Variants in WDR41 observed in about 807,000 individuals in gnomAD.
WDR41 encodes WD repeat-containing protein 41.
Under a neutral mutation model 69.3 loss-of-function variants are expected in WDR41, and 63 were observed. The observed-to-expected ratio is 0.91, with a 90% CI of 0.74 to 1.12. The LOEUF is 1.12. WDR41 is among the 50% of genes most tolerant of loss of function. WDR41 has a pLI of 0.00. For missense variants in WDR41, 543 were observed against 534.5 expected (o/e 1.02, Z -0.16); for synonymous variants, 185 against 192.1 (o/e 0.96, Z 0.31).
At chr5:77,544,891 C>G (rs145044705) in intron 1 of WDR41, among the ~76,000 whole-genome samples, 152 of 152,034 alleles carry the variant, frequency 1.0e-3, no homozygotes, top group African/African-American at 3.4e-3. Flanking sequence ...GCGCATGGAA[C>G]TTTCTCCAGG....
In WDR41 at chr5:77,533,664, A is replaced by T. The variant is rs191889268; in HGVS notation, c.43-44092T>A. On this transcript the variant is annotated intron_variant, in intron 1 of 5. Coordinates refer to the WDR41 transcript ENST00000509971. ...GGATGATGATGGTTGTGTGCTGTGA[A>T]CAGAATTATATAATTAATTCAATTC... 9.4e-4 allele frequency among the ~76,000 whole-genome samples: 143 copies of T among 152,294 alleles called. 2 individuals carry two copies. The highest frequency in any genetic ancestry group is 7.3e-3 in the Admixed American group (112 of 15,302).
chr5:77,592,009 T>C (rs994263112), intron 1 of WDR41, among the ~76,000 whole-genome samples: 3 of 152,146 alleles, frequency 2.0e-5, no homozygotes, highest in African/African-American at 7.2e-5. Flanking sequence ...TCTATTTATA[T>C]TTTTATATGT....
At chr5:77,590,797 A>G (rs879788620) in intron 1 of WDR41, among the ~76,000 whole-genome samples, 7 of 152,196 alleles carry the variant, frequency 4.6e-5, no homozygotes, top group Non-Finnish European at 7.3e-5. Context: ...TCACTACAGT[A>G]TTAATGAGAG....
At chr5:77,473,934 G>C (rs1301419336) in intron 2 of WDR41, among the ~76,000 whole-genome samples, 1 of 152,026 alleles carries the variant, frequency 6.6e-6, no homozygotes, top group Admixed American at 6.6e-5. Context: ...CCCATTACTG[G>C]GTATATACCC....
intron 1 of WDR41, among the ~76,000 whole-genome samples, chr5:77,573,054 C>T (rs752778508): frequency 2.0e-5 from 3 of 152,146 alleles, no homozygotes; most frequent in Non-Finnish European, 2.9e-5. Flanking sequence ...GTACATGATG[C>T]CACAGAGCCA....
intron 1 of WDR41, among the ~76,000 whole-genome samples, chr5:77,557,985 G>A (rs1380281943): frequency 6.6e-6 from 1 of 151,268 alleles, no homozygotes; most frequent in Non-Finnish European, 1.5e-5. Context: ...AAAAAATGTG[G>A]CAATGCAGTG....
intron 5 of WDR41, 91 bp downstream of exon 5, chr5:77,458,971 C>A: frequency 2.3e-6 from 2 of 883,670 alleles, no homozygotes; most frequent in South Asian, 3.4e-5. Context: ...TTCATAAGAC[C>A]CACAAAAGTA....
intron 5 of WDR41, among the ~76,000 whole-genome samples, chr5:77,458,413 C>T (rs1325344448): frequency 2.0e-5 from 3 of 152,122 alleles, no homozygotes; most frequent in African/African-American, 7.2e-5. Context: ...AATGAGGGAA[C>T]ATCTACTGCT....
intron 1 of WDR41, among the ~76,000 whole-genome samples, chr5:77,613,759 C>A (rs1035083692): frequency 2.4e-4 from 37 of 152,254 alleles, no homozygotes; most frequent in African/African-American, 8.7e-4. Context: ...TCCAAAACAC[C>A]AAAAGCAATG....
intron 8 of WDR41, among the ~76,000 whole-genome samples, chr5:77,443,885 T>C: frequency 1.0e-5 from 1 of 97,294 alleles, no homozygotes; most frequent in Non-Finnish European, 2.0e-5. Flanking sequence ...ACTTTTTTTT[T>C]TTTTTTTTTT....
At chr5:77,598,402 A>G (rs1435792003) in intron 1 of WDR41, among the ~76,000 whole-genome samples, 3 of 152,216 alleles carry the variant, frequency 2.0e-5, no homozygotes, top group Non-Finnish European at 4.4e-5. Context: ...CTTGTTGGGA[A>G]TCTGGGGGAA....
At chr5:77,591,364 T>C (rs1246642783) in intron 1 of WDR41, among the ~76,000 whole-genome samples, 1 of 152,134 alleles carries the variant, frequency 6.6e-6, no homozygotes, top group African/African-American at 2.4e-5. Flanking sequence ...TTTGGCTGTA[T>C]TTATTTTCTC....
chr5:77,501,133 G>A (rs928113893), intron 1 of WDR41, among the ~76,000 whole-genome samples: 2 of 152,242 alleles, frequency 1.3e-5, no homozygotes, highest in Non-Finnish European at 2.9e-5. Context: ...AAGGGAAGCC[G>A]TGACAGACTG....
At chr5:77,437,879 G>A (rs1799007926) in intron 10 of WDR41, among the ~76,000 whole-genome samples, 1 of 152,240 alleles carries the variant, frequency 6.6e-6, no homozygotes, top group East Asian at 1.9e-4. Flanking sequence ...ACAACAAGGA[G>A]ACCAGCAACC....
At chr5:77,549,849 A>G (rs1367376379) in intron 1 of WDR41, among the ~76,000 whole-genome samples, 4 of 152,210 alleles carry the variant, frequency 2.6e-5, no homozygotes, top group African/African-American at 7.2e-5. Context: ...AAATTATTCT[A>G]TAAGGCTACA....
chr5:77,570,362 G>T (rs1295495975), intron 1 of WDR41, among the ~76,000 whole-genome samples: 1 of 151,366 alleles, frequency 6.6e-6, no homozygotes, highest in Non-Finnish European at 1.5e-5. Flanking sequence ...ATAATTATAT[G>T]ACTAAAACAT....
At chr5:77,578,177 A>G (rs1743867372) in intron 1 of WDR41, among the ~76,000 whole-genome samples, 1 of 152,232 alleles carries the variant, frequency 6.6e-6, no homozygotes, top group Non-Finnish European at 1.5e-5. Context: ...AAGTCGAACC[A>G]TCACAATTTG....
chr5:77,618,526 C>A (rs905134694), intron 1 of WDR41, among the ~76,000 whole-genome samples: 3 of 152,164 alleles, frequency 2.0e-5, no homozygotes, highest in African/African-American at 7.2e-5. Context: ...GCGCACACCA[C>A]CATGCCTGGC....
intron 1 of WDR41, among the ~76,000 whole-genome samples, chr5:77,604,085 AG>A (rs1445196866): frequency 6.6e-6 from 1 of 152,070 alleles, no homozygotes; most frequent in Non-Finnish European, 1.5e-5. Context: ...TATGAATTTT[AG>A]GATTTTTTTT....
Sources: allele counts gnomAD v4.1 joint callset (sites outside exome capture counted in the v4.1 genomes callset), GRCh38; gene constraint gnomAD v4.1.1; transcripts MANE v1.5; gene names NCBI Gene and HGNC (gene_info 2026-07-23, HGNC 2026-07-21).